TAPBP: variants seen among roughly 807,000 people sequenced by gnomAD.
TAPBP encodes the protein tapasin.
A neutral mutation model predicts 45.7 loss-of-function variants in TAPBP; 38 were observed. The ratio of observed to expected loss-of-function variants is 0.83; its 90% CI spans 0.64 to 1.09. The LOEUF is 1.09. Among genes scored for constraint, TAPBP ranks in the 50% least tolerant of loss-of-function variants. The pLI is 0.00. For synonymous variants in TAPBP, 226 were observed against 254.8 expected (o/e 0.89, Z 1.08); for missense variants, 513 against 587.3 (o/e 0.87, Z 1.31).
rs1768600301 is a variant in TAPBP at position 33,301,689 on chromosome 6, A to G, written c.*71T>C. 1.4e-6 allele frequency: 2 copies of G among 1,397,252 alleles called. No homozygotes were observed. Among genetic ancestry groups the G allele is most frequent in the Admixed American group, 1.7e-5 (1 of 59,066 alleles). The allele number at this position is 1,397,252 out of a possible 1,614,324, so 86.6% of individuals were successfully genotyped here. On this transcript the variant is annotated 3_prime_UTR_variant, in exon 8 of 8. Coordinates refer to ENST00000434618, the MANE Select transcript of TAPBP (RefSeq NM_003190.5). ...GATTAGGAGCAGATGATAGGGTATT[A>G]TTTTAGGGAGCTACTACAGAAGCTT... is the stretch of plus-strand genomic sequence containing the variant.
chr6:33,304,011 G>A, intron 6 of TAPBP, 22 bp from the exon 7 acceptor site: 1 of 1,613,858 alleles, frequency 6.2e-7, no homozygotes, highest in Non-Finnish European at 8.5e-7. Context: ...GATTGAGAAG[G>A]GATGGGATGC....
chr6:33,313,895 T>C lies in TAPBP; in HGVS notation c.38-31A>G, dbSNP rs371608592. 9.9e-6 allele frequency: 16 copies of C among 1,612,606 alleles called. No homozygotes were observed. Among genetic ancestry groups the C allele is most frequent in the Non-Finnish European group, 1.4e-5 (16 of 1,179,520 alleles). The stretch of plus-strand genomic sequence containing the variant: ...GTATAGGGACGCGAGTGAGGAGCGG[T>C]TTGTATGTCTGGTGACCTGCCCCAC... On this transcript the variant is annotated intron_variant, in intron 1 of 7. Coordinates refer to ENST00000434618, the MANE Select transcript of TAPBP (RefSeq NM_003190.5). The surrounding 1 kb of genome is among the most constrained non-coding windows in gnomAD (Gnocchi z 7.2).
At chr6:33,309,385 CA>C (rs11455464) in intron 3 of TAPBP, among the ~76,000 whole-genome samples, 1,606 of 147,178 alleles carry the variant, frequency 0.011, 9 homozygotes, top group Non-Finnish European at 0.019. Flanking sequence ...AACTTGATCT[CA>C]AAAAAAAAAA....
intron 3 of TAPBP, among the ~76,000 whole-genome samples, chr6:33,309,496 C>T (rs1769189947): frequency 6.6e-6 from 1 of 151,132 alleles, no homozygotes; most frequent in Non-Finnish European, 1.5e-5. Context: ...TTGAACCCAG[C>T]AGTTTGAGAC....
rs1442648013 is a variant in TAPBP at position 33,313,339 on chromosome 6, G to A, written c.347C>T (p.Pro116Leu). 6.2e-7 allele frequency: 1 copy of A among 1,613,348 alleles called. No homozygotes were observed. Among genetic ancestry groups the A allele is most frequent in the Non-Finnish European group, 8.5e-7 (1 of 1,179,946 alleles). Residue 116 changes from proline to leucine, a missense_variant, in exon 3 of 8, where the codon CCG becomes CTG. By Grantham distance (98) the Pro-to-Leu change is moderately conservative (BLOSUM62 -3). Coordinates refer to ENST00000434618, the MANE Select transcript of TAPBP (RefSeq NM_003190.5). The surrounding 1 kb of genome is among the most constrained non-coding windows in gnomAD (Gnocchi z 7.2). ...CAGCCAAGCCCCATCCAGGGCCCGC[G>A]GGCAGTTCTGCGCGGGGGTCAGGCC... ...ASGLTPAQNC[P>L]RALDGAWLMV...
At chr6:33,312,434 C>G (rs1289578665) in intron 3 of TAPBP, among the ~76,000 whole-genome samples, 1 of 152,130 alleles carries the variant, frequency 6.6e-6, no homozygotes, top group Non-Finnish European at 1.5e-5. Context: ...GTATTCTACC[C>G]CGGAATACCC....
In TAPBP at chr6:33,304,059, A is replaced by G; in HGVS notation, c.1300+69T>C. The G allele has an allele frequency of 1.9e-6, 3 of 1,611,764 alleles. No homozygotes were observed. The South Asian group carries it at 3.3e-5, about 18-fold the overall frequency. Reference sequence around the variant, plus strand: ...GGTGGAGGGCAGAGGGATGGGTGTCAGGCTCTTGGGAGTAGGTGGGGAAAG... The same window carrying G: ...GGTGGAGGGCAGAGGGATGGGTGTCGGGCTCTTGGGAGTAGGTGGGGAAAG... On this transcript the variant is annotated intron_variant, in intron 6 of 7. Transcript: ENST00000434618.
In TAPBP at chr6:33,313,137, C is replaced by A; in HGVS notation, c.469+80G>T. On this transcript the variant is annotated intron_variant, in intron 3 of 7. Coordinates refer to ENST00000434618, the MANE Select transcript of TAPBP (RefSeq NM_003190.5). This position sits in a 1 kb window ranked among gnomAD's most constrained non-coding sequence, Gnocchi z 7.2. The stretch of plus-strand genomic sequence containing the variant: ...ACCCCGATTGGCGAAATGTCTTGCT[C>A]AAGTCCATAAAGCGAGACCACCGGC... 1 of 1,493,390 alleles carries A rather than the reference C, an allele frequency of 6.7e-7. No homozygotes were observed. The highest frequency in any genetic ancestry group is 1.3e-5 in the South Asian group (1 of 76,910). The allele number at this position is 1,493,390 out of a possible 1,614,324, so 92.5% of individuals were successfully genotyped here.
chr6:33,304,482 T>G lies in TAPBP; in HGVS notation c.1025A>C (p.Lys342Thr), dbSNP rs751293463. The change falls in exon 5 of 8, where the codon AAG becomes ACG. Residue 342 changes from lysine (K) to threonine (T), a missense_variant. Coordinates refer to ENST00000434618, the MANE Select transcript of TAPBP (RefSeq NM_003190.5). The stretch of plus-strand genomic sequence containing the variant: ...CGAGAGCCACCTCTGCCCCTCGGCC[T>G]TCTGAGAGCGGCCCCCTGGGCCACC... ...LRGGPGGRSQ[K>T]AEGQRWLSAL... The G allele has an allele frequency of 3.1e-6, 5 of 1,613,024 alleles. No individual in the cohort carries two copies. Among genetic ancestry groups the G allele is most frequent in the Non-Finnish European group, 3.4e-6 (4 of 1,179,596 alleles).
Position 33,303,951 on chromosome 6 carries a change from G to A in TAPBP, c.1335+4C>T. 6.2e-7 allele frequency: 1 copy of A among 1,614,024 alleles called. No homozygotes were observed. Among genetic ancestry groups the A allele is most frequent in the Non-Finnish European group, 8.5e-7 (1 of 1,180,012 alleles). ...GAAAGATACAGAGAGGTGGAGCACTGTACCTTCTTTGAATCCTTGCAGGTG... is the reference window on the plus strand; with the variant it reads ...GAAAGATACAGAGAGGTGGAGCACTATACCTTCTTTGAATCCTTGCAGGTG... On this transcript the variant is annotated splice_donor_region_variant and intron_variant, in intron 7 of 7. Transcript: ENST00000434618.
rs1318428498 is a variant in TAPBP, at chr6:33,305,242, C to T, written c.615G>A (p.Glu205=). 4.3e-6 allele frequency: 7 copies of T among 1,611,514 alleles called. No individual in the cohort carries two copies. Among genetic ancestry groups the T allele is most frequent in the Non-Finnish European group, 5.9e-6 (7 of 1,178,362 alleles). Residue 205 remains glutamate (E), a synonymous_variant, in exon 4 of 8, where the codon GAG becomes GAA. Transcript: ENST00000434618. The surrounding 1 kb of genome is among the most constrained non-coding windows in gnomAD (Gnocchi z 4.4). ...CCTTACCCAGGTGCTGGCGTCGCCA[C>T]TCTAGCCCAAAGGGAGGGGGACCCG... ...LAPGPPPFGL[E]WRRQHLGKGH... is the part of the protein sequence containing the mutation.
chr6:33,305,688 G>C lies in TAPBP; in HGVS notation c.470-301C>G, dbSNP rs1477447339. ...ACACATAGCACACTCTAGCTCGGGGGACTGCAGAATCCGAGGCCACTTCTG... is the reference window on the plus strand; with the variant it reads ...ACACATAGCACACTCTAGCTCGGGGCACTGCAGAATCCGAGGCCACTTCTG... On this transcript the variant is annotated intron_variant, in intron 3 of 7. Coordinates refer to ENST00000434618, the MANE Select transcript of TAPBP (RefSeq NM_003190.5). This position sits in a 1 kb window ranked among gnomAD's most constrained non-coding sequence, Gnocchi z 4.4. Among the ~76,000 whole-genome samples, 1 of 152,154 alleles carries C rather than the reference G, an allele frequency of 6.6e-6. No homozygotes were observed. Among genetic ancestry groups the C allele is most frequent in the Admixed American group, 6.5e-5 (1 of 15,274 alleles).
Position 33,304,184 on chromosome 6 carries a change from C to T in TAPBP, c.1244G>A (p.Gly415Asp), listed in dbSNP as rs779845535. Reference sequence around the variant, plus strand: ...CAGAAGAAAGGCAGACAGGAAAAGGCCTACGCTGTCCTCAAGGGAGGGCCC... The same window carrying T: ...CAGAAGAAAGGCAGACAGGAAAAGGTCTACGCTGTCCTCAAGGGAGGGCCC... ...LSGPSLEDSV[G>D]LFLSAFLLLG... Residue 415 changes from glycine (G) to aspartate (D), a missense_variant, in exon 6 of 8, where the codon GGC (glycine) becomes GAC (aspartate). Transcript: ENST00000434618. The T allele has an allele frequency of 6.2e-7, 1 of 1,613,674 alleles. No homozygotes were observed.
intron 4 of TAPBP, 22 bp downstream of exon 4, chr6:33,304,967 A>T: frequency 1.2e-6 from 2 of 1,612,052 alleles, no homozygotes; most frequent in Non-Finnish European, 1.7e-6. Context: ...CTACCCCTGG[A>T]GACCTCTGTC....
Position 33,305,497 on chromosome 6 carries a change from C to T in TAPBP, c.470-110G>A. 3 of 1,214,908 alleles carry T rather than the reference C, an allele frequency of 2.5e-6. No individual in the cohort carries two copies. The highest frequency in any genetic ancestry group is 3.4e-6 in the Non-Finnish European group (3 of 892,032). 75.3% of individuals were successfully genotyped at this position (1,214,908 alleles called of 1,614,324 possible). A position where few individuals can be genotyped will look rare whatever the true frequency, so the allele number is the denominator to read the frequency against. On this transcript the variant is annotated intron_variant, in intron 3 of 7. Transcript: ENST00000434618. The surrounding 1 kb of genome is among the most constrained non-coding windows in gnomAD (Gnocchi z 4.4). ...GGAGGGCTAAACTGCAGTTTACCCA[C>T]CCCTCAGAGGACACCTTTTCTGATA...
In TAPBP at chr6:33,313,938, C is replaced by G. The variant is rs1769591441; in HGVS notation, c.37+67G>C. On this transcript the variant is annotated intron_variant, in intron 1 of 7. Coordinates refer to ENST00000434618, the MANE Select transcript of TAPBP (RefSeq NM_003190.5). The surrounding 1 kb of genome is among the most constrained non-coding windows in gnomAD (Gnocchi z 7.2). ...TGCCCCACTCCCACCCTGGCATCGG[C>G]TCCAGTGGGGCCACCTCCCTCCGCT... 6.2e-7 allele frequency: 1 copy of G among 1,613,084 alleles called. No homozygotes were observed. The highest frequency in any genetic ancestry group is 1.1e-5 in the South Asian group (1 of 91,074).
At position 33,305,283 on chromosome 6, in the gene TAPBP, C is replaced by T. The variant is rs146216992; in HGVS notation, c.574G>A (p.Ala192Thr). ...GGGGGACCCGGAGCCAGAGATGAGG[C>T]GGCCTCGGAGGTGGGGGGCATGTAG... Reference protein sequence around the residue: ...FAYMPPTSEAASSLAPGPPPF... With the variant: ...FAYMPPTSEATSSLAPGPPPF... The change falls in exon 4 of 8, where the codon GCC (alanine) becomes ACC (threonine). Residue 192 changes from alanine to threonine, a missense_variant. Ala to Thr is a moderately conservative substitution (Grantham distance 58). Transcript: ENST00000434618. This position sits in a 1 kb window ranked among gnomAD's most constrained non-coding sequence, Gnocchi z 4.4. The T allele has an allele frequency of 5.0e-5, 80 of 1,590,220 alleles. 1 individual carries two copies. In the African/African-American group the frequency reaches 8.6e-4, roughly 17 times the overall value.
intron 3 of TAPBP, among the ~76,000 whole-genome samples, chr6:33,311,486 G>T (rs1769339588): frequency 6.6e-6 from 1 of 152,014 alleles, no homozygotes; most frequent in Admixed American, 6.6e-5. Flanking sequence ...AAATTAGCTG[G>T]GTGTGGTGGC....
At position 33,301,203 on chromosome 6, in the gene TAPBP, TGA is replaced by T. The variant is rs940118384; in HGVS notation, c.*555_*556del. Reference sequence around the variant, plus strand: ...GTCCTTGATGATTTTTAAGAGGTCCTGAGAGAAAAAAATTTTGAGAACCACTG... The same window carrying T: ...GTCCTTGATGATTTTTAAGAGGTCCTGAGAAAAAAATTTTGAGAACCACTG... On this transcript the variant is annotated 3_prime_UTR_variant, in exon 8 of 8. Coordinates refer to ENST00000434618, the MANE Select transcript of TAPBP (RefSeq NM_003190.5). 4 of 152,626 alleles carry T rather than the reference TGA, an allele frequency of 2.6e-5. No individual in the cohort carries two copies. The highest frequency in any genetic ancestry group is 2.6e-4 in the Admixed American group (4 of 15,312). 9.5% of individuals were successfully genotyped at this position (152,626 alleles called of 1,614,324 possible). A position where few individuals can be genotyped will look rare whatever the true frequency, so the allele number is the denominator to read the frequency against.
Sources: allele counts gnomAD v4.1 joint callset (sites outside exome capture counted in the v4.1 genomes callset), GRCh38; gene constraint gnomAD v4.1.1; non-coding constraint Gnocchi (gnomAD v3.1); transcripts MANE v1.5; gene names NCBI Gene and HGNC (gene_info 2026-07-23, HGNC 2026-07-21).